Variants in EFNA5 observed in about 807,000 individuals in gnomAD.
EFNA5 encodes the protein ephrin A5, also known as ephrin-A5.
Under a neutral mutation model 22.9 loss-of-function variants are expected in EFNA5, and 5 were observed. The ratio of observed to expected loss-of-function variants is 0.22; its 90% CI spans 0.11 to 0.46. The LOEUF is 0.46. Ranked by LOEUF, EFNA5 falls within the 20% of genes least tolerant of loss-of-function variation. The pLI is 0.99. For synonymous variants in EFNA5, 113 were observed against 112.2 expected (o/e 1.01, Z -0.04); for missense variants, 237 against 293.3 (o/e 0.81, Z 1.40).
At chr5:107,637,620 A>G (rs1324128739) in intron 1 of EFNA5, among the ~76,000 whole-genome samples, 3 of 150,924 alleles carry the variant, frequency 2.0e-5, no homozygotes, top group Non-Finnish European at 4.4e-5. Flanking sequence ...TTTCAAAATA[A>G]AAGATACATA....
chr5:107,588,109 T>C (rs984795301), intron 1 of EFNA5, among the ~76,000 whole-genome samples: 1 of 152,150 alleles, frequency 6.6e-6, no homozygotes, highest in African/African-American at 2.4e-5. Flanking sequence ...TAATAACTCA[T>C]ACAAAAATAT....
chr5:107,572,926 T>C (rs566531849), intron 1 of EFNA5, among the ~76,000 whole-genome samples: 67 of 152,324 alleles, frequency 4.4e-4, no homozygotes, highest in Non-Finnish European at 8.4e-4. Context: ...GAAAATCCTA[T>C]GTAATACTGG....
intron 1 of EFNA5, among the ~76,000 whole-genome samples, chr5:107,531,729 T>C (rs961645913): frequency 3.9e-5 from 6 of 152,208 alleles, no homozygotes; most frequent in Non-Finnish European, 8.8e-5. Context: ...TTGTTCTAAA[T>C]AGGCATTCTC....
At chr5:107,625,490 CA>C (rs1279744097) in intron 1 of EFNA5, among the ~76,000 whole-genome samples, 1 of 152,012 alleles carries the variant, frequency 6.6e-6, no homozygotes, top group African/African-American at 2.4e-5. Flanking sequence ...AACTACAAAA[CA>C]TGTTATAATT....
intron 2 of EFNA5, chr5:107,388,364 G>C (rs558972500): frequency 6.6e-6 from 1 of 152,142 alleles, no homozygotes; most frequent in South Asian, 2.1e-4. Context: ...ACCCAAGCCC[G>C]GTAACTTCCA....
Position 107,586,617 on chromosome 5 carries a change from G to A in EFNA5, c.125+83872C>T, listed in dbSNP as rs190258369. Among the ~76,000 whole-genome samples, 11 of 152,124 alleles carry A rather than the reference G, an allele frequency of 7.2e-5. No homozygotes were observed. The East Asian group carries it at 1.4e-3, about 19-fold the overall frequency. On this transcript the variant is annotated intron_variant, in intron 1 of 4. Coordinates refer to ENST00000333274, the MANE Select transcript of EFNA5 (RefSeq NM_001962.3). Reference sequence around the variant, plus strand: ...CAAAATAATTATTATCTATTAATGCGTACATTTAAAATCCAAGGAGTGGTT... The same window carrying A: ...CAAAATAATTATTATCTATTAATGCATACATTTAAAATCCAAGGAGTGGTT...
chr5:107,412,397 G>C (rs79252723), intron 2 of EFNA5, among the ~76,000 whole-genome samples: 1,913 of 152,222 alleles, frequency 0.013, 35 homozygotes, highest in African/African-American at 0.043. Context: ...GAGAGAAAAT[G>C]TCTTCCAGAA....
At chr5:107,526,094 C>T (rs111316934) in intron 1 of EFNA5, among the ~76,000 whole-genome samples, 3,475 of 152,162 alleles carry the variant, frequency 0.023, 164 homozygotes, top group African/African-American at 0.079. Flanking sequence ...CCAGCAAATA[C>T]GGAATTACAG....
intron 1 of EFNA5, among the ~76,000 whole-genome samples, chr5:107,472,320 C>T (rs540273999): frequency 3.3e-5 from 5 of 152,178 alleles, no homozygotes; most frequent in African/African-American, 9.6e-5. Flanking sequence ...TTATCGTAAG[C>T]GTCTATACTT....
Position 107,578,784 on chromosome 5 carries a change from C to T in EFNA5, c.125+91705G>A, listed in dbSNP as rs77562825. ...AAAAGGACATGATGGCAACATGATT[C>T]GCAAAAGGAAATGACACTGCTGTCT... On this transcript the variant is annotated intron_variant, in intron 1 of 4. Transcript: ENST00000333274. Among the ~76,000 whole-genome samples, 347 of 152,180 alleles carry T rather than the reference C, an allele frequency of 2.3e-3. 3 individuals carry two copies. The highest frequency in any genetic ancestry group is 8.2e-3 in the African/African-American group (340 of 41,504).
intron 1 of EFNA5, among the ~76,000 whole-genome samples, chr5:107,559,325 T>C (rs1748487982): frequency 6.6e-6 from 1 of 152,212 alleles, no homozygotes; most frequent in Non-Finnish European, 1.5e-5. Flanking sequence ...TCTTAAACCA[T>C]CATTTGACTC....
chr5:107,432,562 C>G (rs1748991177), intron 1 of EFNA5, among the ~76,000 whole-genome samples: 1 of 152,172 alleles, frequency 6.6e-6, no homozygotes, highest in African/African-American at 2.4e-5. Context: ...ACAATACAAT[C>G]TCTACTAAAT....
intron 1 of EFNA5, among the ~76,000 whole-genome samples, chr5:107,488,933 C>T (rs545889807): frequency 1.1e-4 from 17 of 152,104 alleles, no homozygotes; most frequent in Non-Finnish European, 2.2e-4. Context: ...CCTCACGATC[C>T]GCCTGCCTTC....
chr5:107,504,429 C>T (rs888523145), intron 1 of EFNA5, among the ~76,000 whole-genome samples: 1 of 152,122 alleles, frequency 6.6e-6, no homozygotes, highest in Non-Finnish European at 1.5e-5. Flanking sequence ...CTAAAGCTAC[C>T]TTACTAAAAT....
chr5:107,531,506 C>A (rs770455795), intron 1 of EFNA5, among the ~76,000 whole-genome samples: 1 of 152,152 alleles, frequency 6.6e-6, no homozygotes, highest in Admixed American at 6.6e-5. Flanking sequence ...TCCTCCAATA[C>A]CTGAAGGGCT....
chr5:107,661,543 C>T (rs571459410), intron 1 of EFNA5, among the ~76,000 whole-genome samples: 13 of 152,222 alleles, frequency 8.5e-5, no homozygotes, highest in Non-Finnish European at 1.8e-4. Context: ...ACCGCTTCCA[C>T]ATTCCGACAT....
intron 1 of EFNA5, among the ~76,000 whole-genome samples, chr5:107,633,018 A>AT (rs1046382035): frequency 2.4e-4 from 36 of 151,922 alleles, no homozygotes; most frequent in African/African-American, 8.4e-4. Flanking sequence ...TACAATGCAG[A>AT]TTTTTTTTTA....
At chr5:107,561,202 A>G (rs1489586411) in intron 1 of EFNA5, among the ~76,000 whole-genome samples, 2 of 152,130 alleles carry the variant, frequency 1.3e-5, no homozygotes, top group African/African-American at 4.8e-5. Context: ...GCCTTCTAAG[A>G]ATTAACAATT....
At position 107,401,986 on chromosome 5, in the gene EFNA5, T is replaced by A. The variant is rs115091127; in HGVS notation, c.419-14215A>T. On this transcript the variant is annotated intron_variant, in intron 2 of 4. Coordinates refer to ENST00000333274, the MANE Select transcript of EFNA5 (RefSeq NM_001962.3). ...GCTCCTTTATACCATCGGCTTTCTG[T>A]GCACTGCTGTGAGGTTTTGACTTTA... 1.0e-2 allele frequency among the ~76,000 whole-genome samples: 1,516 copies of A among 152,318 alleles called. 19 individuals are homozygous for A. Among genetic ancestry groups the A allele is most frequent in the Admixed American group, 0.013 (205 of 15,298 alleles).
Sources: gnomAD v4.1 joint callset for allele counts (sites outside exome capture counted in the v4.1 genomes callset) on GRCh38, gnomAD v4.1.1 for gene constraint, MANE v1.5 for transcripts, NCBI Gene and HGNC (gene_info 2026-07-23, HGNC 2026-07-21) for gene names.